RIT2: variants seen among roughly 807,000 people sequenced by gnomAD.
RIT2 encodes Ras like without CAAX 2, also known as GTP-binding protein Rit2.
Under a neutral mutation model 23.7 loss-of-function variants are expected in RIT2, and 24 were observed. The observed-to-expected ratio is 1.01, with a 90% CI of 0.73 to 1.43. RIT2 has a LOEUF of 1.43. RIT2 is among the 40% of genes most tolerant of loss of function. RIT2 has a pLI of 0.00. For synonymous variants in RIT2, 107 were observed against 91.1 expected, an observed-to-expected ratio of 1.17 and a Z score of -0.99; for missense variants, 236 against 266.9, an observed-to-expected ratio of 0.88 and a Z score of 0.81.
intron 4 of RIT2, among the ~76,000 whole-genome samples, chr18:42,760,387 T>C (rs890107923): frequency 6.6e-6 from 1 of 152,218 alleles, no homozygotes. Flanking sequence ...TGAGACTGCA[T>C]TTCTAAGTCA....
chr18:42,849,963 A>G (rs527884958), intron 4 of RIT2, among the ~76,000 whole-genome samples: 1 of 152,234 alleles, frequency 6.6e-6, no homozygotes, highest in Admixed American at 6.5e-5. Flanking sequence ...CTTAAACAAT[A>G]ATAGTCCACA....
At chr18:42,809,229 A>G in intron 4 of RIT2, among the ~76,000 whole-genome samples, 1 of 152,274 alleles carries the variant, frequency 6.6e-6, no homozygotes, top group Admixed American at 6.5e-5. Flanking sequence ...TCACAGCCAA[A>G]TGCCCTATTC....
intron 1 of RIT2, among the ~76,000 whole-genome samples, chr18:43,083,230 G>A (rs926926607): frequency 2.0e-5 from 3 of 151,968 alleles, no homozygotes; most frequent in Non-Finnish European, 4.4e-5. Context: ...AAATAAGAGA[G>A]GACACAAACA....
chr18:42,953,334 G>A (rs1288346858), intron 3 of RIT2, among the ~76,000 whole-genome samples: 1 of 151,954 alleles, frequency 6.6e-6, no homozygotes, highest in East Asian at 1.9e-4. Context: ...TTATTTTAAA[G>A]AAATACCAAG....
intron 2 of RIT2, among the ~76,000 whole-genome samples, chr18:42,976,614 T>C (rs1473291817): frequency 6.6e-6 from 1 of 152,072 alleles, no homozygotes; most frequent in Non-Finnish European, 1.5e-5. Context: ...TGATACAAGA[T>C]GAGGAAGTCA....
At position 43,037,955 on chromosome 18, in the gene RIT2, A is replaced by G. The variant is rs544790578; in HGVS notation, c.104-4088T>C. On this transcript the variant is annotated intron_variant, in intron 1 of 4. Transcript: ENST00000326695. The stretch of plus-strand genomic sequence containing the variant: ...CGCCGTGGCTCATGCCTGTAATCCC[A>G]GTACTTTGAGAGGCCAAGGCGGGCG... 1.1e-4 allele frequency among the ~76,000 whole-genome samples: 16 copies of G among 152,132 alleles called. No homozygotes were observed. The South Asian group carries it at 1.7e-3, about 16-fold the overall frequency.
intron 4 of RIT2, among the ~76,000 whole-genome samples, chr18:42,878,163 G>T (rs996158265): frequency 9.9e-5 from 15 of 151,046 alleles, no homozygotes; most frequent in African/African-American, 3.6e-4. Context: ...AAGGGTTGGG[G>T]CACTGACCTC....
At chr18:43,047,290 A>G (rs1321848638) in intron 1 of RIT2, among the ~76,000 whole-genome samples, 1 of 151,338 alleles carries the variant, frequency 6.6e-6, no homozygotes, top group African/African-American at 2.4e-5. Context: ...TTCTCTCAAT[A>G]CTCTTTCTCC....
intron 2 of RIT2, among the ~76,000 whole-genome samples, chr18:43,017,823 C>T (rs1245021670): frequency 6.6e-6 from 1 of 151,996 alleles, no homozygotes. Flanking sequence ...CAGTCACATG[C>T]TACTTAAAGC....
At chr18:42,867,876 A>C (rs570651863) in intron 4 of RIT2, among the ~76,000 whole-genome samples, 2 of 152,326 alleles carry the variant, frequency 1.3e-5, no homozygotes, top group East Asian at 3.9e-4. Flanking sequence ...GGGAGCTCTT[A>C]AACCTCTGGA....
intron 3 of RIT2, among the ~76,000 whole-genome samples, chr18:42,951,067 G>T (rs1366935317): frequency 1.3e-5 from 2 of 151,998 alleles, no homozygotes; most frequent in Admixed American, 1.3e-4. Context: ...CCATTACTGG[G>T]TATATATCAA....
At chr18:42,984,946 A>G (rs1171793182) in intron 2 of RIT2, among the ~76,000 whole-genome samples, 1 of 152,036 alleles carries the variant, frequency 6.6e-6, no homozygotes, top group African/African-American at 2.4e-5. Context: ...CTGCAAGAAA[A>G]ATGATTGATG....
intron 3 of RIT2, chr18:42,949,193 G>A: frequency 2.5e-6 from 1 of 394,138 alleles, no homozygotes; most frequent in Non-Finnish European, 4.5e-6. Context: ...AGGGGCACAT[G>A]TGTGCTGTGG....
intron 4 of RIT2, among the ~76,000 whole-genome samples, chr18:42,770,856 A>AAGGT (rs1913535778): frequency 6.6e-6 from 1 of 152,114 alleles, no homozygotes. Flanking sequence ...AAAAAAGGAA[A>AAGGT]GGACTCAATC....
intron 2 of RIT2, among the ~76,000 whole-genome samples, chr18:42,989,994 T>A (rs1910802256): frequency 7.2e-6 from 1 of 138,400 alleles, no homozygotes; most frequent in Non-Finnish European, 1.5e-5. Context: ...TATTACACGT[T>A]CTGTATTTAC....
intron 1 of RIT2, among the ~76,000 whole-genome samples, chr18:43,044,104 T>G (rs1407181704): frequency 6.6e-6 from 1 of 152,088 alleles, no homozygotes; most frequent in Non-Finnish European, 1.5e-5. Context: ...ATAGGATCTT[T>G]TTAAAGTCAA....
intron 1 of RIT2, among the ~76,000 whole-genome samples, chr18:43,101,042 AATGT>A (rs1913671824): frequency 6.6e-6 from 1 of 151,372 alleles, no homozygotes; most frequent in African/African-American, 2.4e-5. Flanking sequence ...GTCTGTGTAT[AATGT>A]ATGTGTGTGT....
At chr18:43,013,767 A>G (rs1911407650) in intron 2 of RIT2, among the ~76,000 whole-genome samples, 3 of 151,698 alleles carry the variant, frequency 2.0e-5, no homozygotes, top group Non-Finnish European at 2.9e-5. Flanking sequence ...AAACTAGATA[A>G]ATAAGCATCT....
At chr18:42,970,404 T>C (rs1411267922) in intron 3 of RIT2, among the ~76,000 whole-genome samples, 1 of 152,014 alleles carries the variant, frequency 6.6e-6, no homozygotes, top group Non-Finnish European at 1.5e-5. Context: ...ATGCTTAGGG[T>C]ACAAGTTCTT....
Sources: allele counts gnomAD v4.1 joint callset (sites outside exome capture counted in the v4.1 genomes callset), GRCh38; gene constraint gnomAD v4.1.1; transcripts MANE v1.5; gene names NCBI Gene and HGNC (gene_info 2026-07-23, HGNC 2026-07-21).